The following ARHGAP21 variants were observed in gnomAD, a reference collection of about 807,000 sequenced individuals.
The protein encoded by ARHGAP21 is Rho GTPase activating protein 21, also known as rho GTPase-activating protein 21.
A neutral mutation model predicts 164.6 loss-of-function variants in ARHGAP21; 38 were observed. The observed-to-expected ratio is 0.23, with a 90% CI of 0.18 to 0.30. The LOEUF is 0.30. ARHGAP21 is among the 10% of genes least tolerant of loss of function. The pLI is 1.00. For missense variants in ARHGAP21, 1,822 were observed against 2,370.7 expected (o/e 0.77, Z 4.81); for synonymous variants, 766 against 857.9 (o/e 0.89, Z 1.87).
chr10:24,700,508 T>C (rs979152686), intron 2 of ARHGAP21, among the ~76,000 whole-genome samples: 9 of 152,308 alleles, frequency 5.9e-5, no homozygotes, highest in African/African-American at 2.2e-4. Context: ...ATAATAAGAA[T>C]TAAAGATGGT....
rs545837187 is a variant in ARHGAP21 at position 24,691,739 on chromosome 10, TAAATGTTTTAATTGGCTA to T, written c.64-21360_64-21343del. Among the ~76,000 whole-genome samples, 903 of 152,288 alleles carry T rather than the reference TAAATGTTTTAATTGGCTA, an allele frequency of 5.9e-3. 12 individuals carry two copies. Among genetic ancestry groups the T allele is most frequent in the African/African-American group, 0.02 (832 of 41,568 alleles). The stretch of plus-strand genomic sequence containing the variant: ...TAATAGGCAATATTTTTACACAGAA[TAAATGTTTTAATTGGCTA>T]AAATACAGAAATGACCAAATAATGC... On this transcript the variant is annotated intron_variant, in intron 2 of 25. Transcript: ENST00000396432.
chr10:24,589,541 G>A, intron 24 of ARHGAP21: 1 of 461,688 alleles, frequency 2.2e-6, no homozygotes, highest in Non-Finnish European at 3.8e-6. Context: ...AATGGCAAAG[G>A]AGCCCTGTGC....
At chr10:24,654,005 TAAATAC>T (rs1326637189) in intron 4 of ARHGAP21, among the ~76,000 whole-genome samples, 4 of 152,058 alleles carry the variant, frequency 2.6e-5, no homozygotes, top group African/African-American at 9.7e-5. Context: ...CCAGAATATA[TAAATAC>T]AACCAAAGAC....
rs748106415 is a variant in ARHGAP21 at position 24,596,382 on chromosome 10, C to T, written c.3478-339G>A. On this transcript the variant is annotated intron_variant, in intron 17 of 25. Transcript: ENST00000396432. ...AGTAATATCAATTCATGATACGAAT[C>T]CTAGCATGGGTGTTTTAAATATATG... 1.1e-5 allele frequency: 5 copies of T among 447,900 alleles called. No individual in the cohort carries two copies. In the South Asian group the frequency reaches 2.6e-4, roughly 23 times the overall value. The allele number at this position is 447,900 out of a possible 1,614,324, so 27.7% of individuals were successfully genotyped here.
intron 2 of ARHGAP21, among the ~76,000 whole-genome samples, chr10:24,712,951 T>A (rs998746461): frequency 6.6e-6 from 1 of 151,606 alleles, no homozygotes; most frequent in East Asian, 1.9e-4. Flanking sequence ...AGGCAAATAC[T>A]GGGTATTACA....
rs113196092 is a variant in ARHGAP21, at chr10:24,640,971, G to A, written c.269-5868C>T. 5.8e-3 allele frequency among the ~76,000 whole-genome samples: 884 copies of A among 152,284 alleles called. 6 individuals are homozygous for A. The highest frequency in any genetic ancestry group is 0.02 in the African/African-American group (835 of 41,560). Reference sequence around the variant, plus strand: ...TTTGCAGTCATTTATGTCTTCAGGAGAGAGAAACAGAGAAGGAAAAAGAAA... The same window carrying A: ...TTTGCAGTCATTTATGTCTTCAGGAAAGAGAAACAGAGAAGGAAAAAGAAA... On this transcript the variant is annotated intron_variant, in intron 4 of 25. Transcript: ENST00000396432.
intron 14 of ARHGAP21, among the ~76,000 whole-genome samples, chr10:24,599,579 A>G (rs2076725512): frequency 6.6e-6 from 1 of 152,324 alleles, no homozygotes; most frequent in African/African-American, 2.4e-5. Context: ...GGCATTCCTG[A>G]GTATTAAAAG....
chr10:24,591,305 A>C lies in ARHGAP21; in HGVS notation c.4070T>G (p.Val1357Gly). Residue 1357 changes from valine to glycine, a missense_variant, in exon 24 of 26, where the codon GTA becomes GGA. Transcript: ENST00000396432. ...TATGTTTGGCACTGGCTGGGAGTCT[A>C]CTGTGCTTTCCTCCTGCACTGTTGT... is the stretch of plus-strand genomic sequence containing the variant. ...PLTTVQEEST[V>G]DSQPVPNIDH... 1 of 1,613,268 alleles carries C rather than the reference A, an allele frequency of 6.2e-7. No individual in the cohort carries two copies. The highest frequency in any genetic ancestry group is 1.1e-5 in the South Asian group (1 of 91,028).
intron 2 of ARHGAP21, among the ~76,000 whole-genome samples, chr10:24,701,276 G>A (rs1272162036): frequency 1.3e-5 from 2 of 152,126 alleles, no homozygotes; most frequent in Admixed American, 6.5e-5. Context: ...GGCCTCTTTG[G>A]TGTGGGTATC....
Position 24,620,740 on chromosome 10 carries a change from G to C in ARHGAP21, c.1155C>G (p.Asp385Glu). The C allele has an allele frequency of 1.9e-6, 3 of 1,614,148 alleles. No individual in the cohort carries two copies. Among genetic ancestry groups the C allele is most frequent in the Non-Finnish European group, 2.5e-6 (3 of 1,180,030 alleles). The change falls in exon 9 of 26, where the codon GAC (aspartate) becomes GAG (glutamate). Residue 385 changes from aspartate (D) to glutamate (E), a missense_variant. Asp to Glu is a conservative substitution (Grantham distance 45). Coordinates refer to ENST00000396432, the MANE Select transcript of ARHGAP21 (RefSeq NM_020824.4). ...CTTTGTAAGTTTTATAGTTTTTCCA[G>C]TCTATGTGCTGATGGGAATTTGGCG... ...HYSPNSHQHIDWKNYKTYKEY... is the reference protein window; with the variant it reads ...HYSPNSHQHIEWKNYKTYKEY...
At chr10:24,722,480 A>T in intron 1 of ARHGAP21, 2 of 155,936 alleles carry the variant, frequency 1.3e-5, no homozygotes, top group Admixed American at 6.2e-5. Flanking sequence ...GTTGCGTCAA[A>T]CACACCTGGC....
At chr10:24,700,561 A>G (rs1843578953) in intron 2 of ARHGAP21, among the ~76,000 whole-genome samples, 1 of 152,242 alleles carries the variant, frequency 6.6e-6, no homozygotes, top group African/African-American at 2.4e-5. Flanking sequence ...ATAAAACATG[A>G]AAAATTGAGG....
At chr10:24,587,212 A>C (rs1258209109) in intron 25 of ARHGAP21, among the ~76,000 whole-genome samples, 2 of 152,102 alleles carry the variant, frequency 1.3e-5, no homozygotes, top group Non-Finnish European at 2.9e-5. Context: ...TAGAAGCCTT[A>C]GTCTCAAGCT....
intron 4 of ARHGAP21, chr10:24,648,701 AC>A: frequency 1.5e-6 from 1 of 659,212 alleles, no homozygotes; most frequent in Non-Finnish European, 1.9e-6. Context: ...AATTGCTTGA[AC>A]CCAGAGGCGC....
chr10:24,634,303 C>T (rs1836156901), intron 5 of ARHGAP21, among the ~76,000 whole-genome samples: 1 of 151,966 alleles, frequency 6.6e-6, no homozygotes, highest in South Asian at 2.1e-4. Context: ...CAATGATGTC[C>T]ACTACTTTCT....
Position 24,585,886 on chromosome 10 carries a change from T to C in ARHGAP21, c.4403A>G (p.Lys1468Arg). The C allele has an allele frequency of 6.2e-7, 1 of 1,614,050 alleles. No individual in the cohort carries two copies. The highest frequency in any genetic ancestry group is 8.5e-7 in the Non-Finnish European group (1 of 1,179,908). The stretch of plus-strand genomic sequence containing the variant: ...TTCTTTGGCAATGATGATCTTCTGT[T>C]TTCTGCCCAGTGTCTCACTTTCTTT... ...SKKESETLGRKQKIIIAKENS... is the reference protein window; with the variant it reads ...SKKESETLGRRQKIIIAKENS... Residue 1468 changes from lysine to arginine, a missense_variant, in exon 26 of 26, where the codon AAA (lysine) becomes AGA (arginine). This residue lies in a region of ARHGAP21 where 333 missense variants were observed against 383.9 expected (regional missense o/e 0.87). Transcript: ENST00000396432.
chr10:24,619,610 T>A lies in ARHGAP21; in HGVS notation c.2285A>T (p.Asp762Val). The change falls in exon 9 of 26, where the codon GAC (aspartate) becomes GTC (valine). Residue 762 changes from aspartate to valine, a missense_variant. By Grantham distance (152) the Asp-to-Val change is radical. Around this residue, in one of 5 missense-constraint regions of ARHGAP21, gnomAD observed 1,090 missense variants for 1,378.9 expected, o/e 0.79. Transcript: ENST00000396432. The part of the protein sequence containing the change: ...RHQSYILAVN[D>V]QETGSDTTCW... ...GGTAGTGTCTGACCCGGTCTCCTGG[T>A]CATTTACTGCCAAGATGTAAGACTG... is the stretch of plus-strand genomic sequence containing the variant. 1 of 1,614,180 alleles carries A rather than the reference T, an allele frequency of 6.2e-7. No individual in the cohort carries two copies. Among genetic ancestry groups the A allele is most frequent in the Non-Finnish European group, 8.5e-7 (1 of 1,180,020 alleles).
intron 2 of ARHGAP21, among the ~76,000 whole-genome samples, chr10:24,679,224 T>C (rs1209923883): frequency 6.6e-6 from 1 of 152,214 alleles, no homozygotes; most frequent in East Asian, 1.9e-4. Context: ...TGAAATTTAT[T>C]TCTCATGGTT....
chr10:24,712,254 T>C (rs1317896666), intron 2 of ARHGAP21, among the ~76,000 whole-genome samples: 1 of 152,062 alleles, frequency 6.6e-6, no homozygotes, highest in Non-Finnish European at 1.5e-5. Flanking sequence ...TCCAGTGACA[T>C]ATGACCTTAC....
Sources: allele counts gnomAD v4.1 joint callset (sites outside exome capture counted in the v4.1 genomes callset), GRCh38; gene constraint gnomAD v4.1.1; regional missense constraint gnomAD v4.1.1; transcripts MANE v1.5; gene names NCBI Gene and HGNC (gene_info 2026-07-23, HGNC 2026-07-21).